The following XPR1 variants were observed in gnomAD, a reference collection of about 807,000 sequenced individuals.
XPR1 encodes xenotropic and polytropic retrovirus receptor 1.
Under a neutral mutation model 87.5 loss-of-function variants are expected in XPR1, and 28 were observed. The observed-to-expected ratio is 0.32, with a 90% CI of 0.24 to 0.44. The LOEUF (loss-of-function observed/expected upper bound fraction) is 0.44. XPR1 is among the 20% of genes least tolerant of loss of function. The pLI is 1.00. For missense variants in XPR1, 559 were observed against 862.3 expected (o/e 0.65, Z 4.41); for synonymous variants, 300 against 306.1 (o/e 0.98, Z 0.21).
chr1:180,691,892 C>T (rs1161759246), intron 2 of XPR1, among the ~76,000 whole-genome samples: 2 of 152,098 alleles, frequency 1.3e-5, no homozygotes, highest in African/African-American at 4.8e-5. Context: ...GAATGGAAGA[C>T]TGAATTGCAT....
chr1:180,682,654 G>T (rs1016454827), intron 2 of XPR1, among the ~76,000 whole-genome samples: 1 of 151,842 alleles, frequency 6.6e-6, no homozygotes, highest in African/African-American at 2.4e-5. Flanking sequence ...ACTGTGAATC[G>T]TATATATTGG....
At chr1:180,708,227 A>G (rs1410737247) in intron 2 of XPR1, among the ~76,000 whole-genome samples, 1 of 152,180 alleles carries the variant, frequency 6.6e-6, no homozygotes, top group Non-Finnish European at 1.5e-5. Flanking sequence ...GTTTTTGCCT[A>G]CTGTTTTTGT....
intron 1 of XPR1, among the ~76,000 whole-genome samples, chr1:180,659,480 TCCC>T (rs1655687940): frequency 1.4e-5 from 2 of 138,884 alleles, no homozygotes; most frequent in Admixed American, 7.3e-5. Context: ...CCTCCCTTCC[TCCC>T]TTCCTCCCTT....
At chr1:180,833,544 C>G (rs915304536) in intron 9 of XPR1, among the ~76,000 whole-genome samples, 1 of 151,932 alleles carries the variant, frequency 6.6e-6, no homozygotes, top group East Asian at 1.9e-4. Flanking sequence ...CAATCCTAGT[C>G]TCTGATAAAA....
At chr1:180,865,513 A>ACCTCAGCCTCCCAAGTAGCTAGGACT (rs1652360099) in intron 12 of XPR1, among the ~76,000 whole-genome samples, 2 of 150,148 alleles carry the variant, frequency 1.3e-5, no homozygotes, top group African/African-American at 4.9e-5. Flanking sequence ...CCATTCTCCT[A>ACCTCAGCCTCCCAAGTAGCTAGGACT]CCTCAGCCTC....
At chr1:180,799,734 A>G (rs1054472323) in intron 3 of XPR1, among the ~76,000 whole-genome samples, 11 of 151,998 alleles carry the variant, frequency 7.2e-5, no homozygotes, top group African/African-American at 2.7e-4. Context: ...CCCAGGGGTG[A>G]CTCTGGGGTT....
At chr1:180,650,544 A>G (rs550845384) in intron 1 of XPR1, among the ~76,000 whole-genome samples, 18 of 152,350 alleles carry the variant, frequency 1.2e-4, no homozygotes, top group African/African-American at 2.2e-4. Context: ...GCAAAAAGCA[A>G]TTTATGTTGA....
At chr1:180,849,315 A>G (rs1387631500) in intron 11 of XPR1, among the ~76,000 whole-genome samples, 1 of 152,236 alleles carries the variant, frequency 6.6e-6, no homozygotes, top group Non-Finnish European at 1.5e-5. Context: ...CAAAACCAGA[A>G]TTTTGACTCT....
At chr1:180,721,918 G>T (rs1658190868) in intron 2 of XPR1, among the ~76,000 whole-genome samples, 1 of 152,046 alleles carries the variant, frequency 6.6e-6, no homozygotes, top group Non-Finnish European at 1.5e-5. Context: ...TTACTACTAA[G>T]GCTTCTGGTC....
At chr1:180,678,055 A>G (rs966384897) in intron 1 of XPR1, among the ~76,000 whole-genome samples, 1 of 152,220 alleles carries the variant, frequency 6.6e-6, no homozygotes, top group East Asian at 1.9e-4. Flanking sequence ...TGTACTTACC[A>G]TTACAGATGT....
At chr1:180,874,741 A>G (rs1315062571) in intron 13 of XPR1, among the ~76,000 whole-genome samples, 1 of 152,182 alleles carries the variant, frequency 6.6e-6, no homozygotes, top group East Asian at 1.9e-4. Flanking sequence ...AAGATAATCC[A>G]AAATCTAAAT....
chr1:180,679,662 G>A (rs1339699613), intron 1 of XPR1, among the ~76,000 whole-genome samples: 1 of 152,156 alleles, frequency 6.6e-6, no homozygotes, highest in Non-Finnish European at 1.5e-5. Context: ...CAGCCATCCA[G>A]ATTACCTAAA....
chr1:180,851,477 C>T lies in XPR1; in HGVS notation c.1502-12231C>T, dbSNP rs537949645. 1.2e-3 allele frequency among the ~76,000 whole-genome samples: 186 copies of T among 152,258 alleles called. 1 individual carries two copies. Among genetic ancestry groups the T allele is most frequent in the Middle Eastern group, 3.4e-3 (1 of 294 alleles). On this transcript the variant is annotated intron_variant, in intron 11 of 14. Transcript: ENST00000367590. ...CAATTTATACAGAATTATAAAATAA[C>T]TCCAAGACCAGAAAAGGCACAAACT...
chr1:180,691,910 A>G lies in XPR1; in HGVS notation c.121+9499A>G, dbSNP rs1571730039. Among the ~76,000 whole-genome samples the G allele has an allele frequency of 2.0e-5, 3 of 152,240 alleles. No individual in the cohort carries two copies. In the East Asian group the frequency reaches 5.8e-4, roughly 29 times the overall value. On this transcript the variant is annotated intron_variant, in intron 2 of 14. Coordinates refer to ENST00000367590, the MANE Select transcript of XPR1 (RefSeq NM_004736.4). ...TGGAAGACTGAATTGCATTTCTAAA[A>G]TTCATGAAGTAGTTTTTGCATTTAT...
At chr1:180,729,331 AT>A (rs2102007946) in intron 2 of XPR1, among the ~76,000 whole-genome samples, 1 of 152,294 alleles carries the variant, frequency 6.6e-6, no homozygotes, top group South Asian at 2.1e-4. Flanking sequence ...ATGGTAAAAC[AT>A]TTTATATTCC....
chr1:180,840,171 C>T (rs959955412), intron 11 of XPR1, among the ~76,000 whole-genome samples: 3 of 145,866 alleles, frequency 2.1e-5, no homozygotes, highest in Admixed American at 1.4e-4. Flanking sequence ...TGCAGTGAGC[C>T]GAGATTGCGC....
chr1:180,675,780 TG>T (rs1190693786), intron 1 of XPR1, among the ~76,000 whole-genome samples: 1 of 152,222 alleles, frequency 6.6e-6, no homozygotes, highest in Non-Finnish European at 1.5e-5. Flanking sequence ...GCATGTGGTC[TG>T]GGTGACTCAT....
intron 2 of XPR1, among the ~76,000 whole-genome samples, chr1:180,756,739 G>A: frequency 6.6e-6 from 1 of 152,074 alleles, no homozygotes; most frequent in East Asian, 1.9e-4. Context: ...TATTTTCTAA[G>A]AGCAATGTAA....
At chr1:180,846,878 C>T (rs998338181) in intron 11 of XPR1, among the ~76,000 whole-genome samples, 4 of 151,664 alleles carry the variant, frequency 2.6e-5, no homozygotes, top group Admixed American at 1.3e-4. Flanking sequence ...AAAATGATGC[C>T]ACTTAATAGG....
Sources: gnomAD v4.1 joint callset for allele counts (sites outside exome capture counted in the v4.1 genomes callset) on GRCh38, gnomAD v4.1.1 for gene constraint, MANE v1.5 for transcripts, NCBI Gene and HGNC (gene_info 2026-07-23, HGNC 2026-07-21) for gene names.